The following RUNDC3B variants were observed in gnomAD, a reference collection of about 807,000 sequenced individuals.
The protein encoded by RUNDC3B is RUN domain containing 3B.
RUNDC3B carries 33 observed loss-of-function variants against 58.4 expected under a neutral mutation model. The ratio of observed to expected loss-of-function variants is 0.56; its 90% confidence interval spans 0.43 to 0.75. The LOEUF (loss-of-function observed/expected upper bound fraction) is 0.75. Ranked by LOEUF, RUNDC3B falls within the 30% of genes least tolerant of loss-of-function variation. The pLI is 0.00. For synonymous variants in RUNDC3B, 193 were observed against 195.2 expected (o/e 0.99, Z 0.10); for missense variants, 501 against 535.7 (o/e 0.94, Z 0.64).
intron 1 of RUNDC3B, among the ~76,000 whole-genome samples, chr7:87,637,653 A>T (rs1821920580): frequency 6.6e-6 from 1 of 152,036 alleles, no homozygotes; most frequent in Non-Finnish European, 1.5e-5. Context: ...TTATTCTTGC[A>T]TATTTGATAT....
intron 2 of RUNDC3B, among the ~76,000 whole-genome samples, chr7:87,697,426 C>T (rs1309454901): frequency 6.6e-6 from 1 of 152,046 alleles, no homozygotes; most frequent in Non-Finnish European, 1.5e-5. Flanking sequence ...ATAGAATGAT[C>T]CCAGATAATA....
chr7:87,652,155 T>C (rs1337927659), intron 2 of RUNDC3B, among the ~76,000 whole-genome samples: 9 of 152,140 alleles, frequency 5.9e-5, no homozygotes, highest in African/African-American at 2.2e-4. Flanking sequence ...TGGAATAGAA[T>C]AGACTCTGAT....
chr7:87,803,286 C>A (rs1266418088), intron 8 of RUNDC3B, among the ~76,000 whole-genome samples: 2 of 152,118 alleles, frequency 1.3e-5, no homozygotes, highest in Non-Finnish European at 2.9e-5. Context: ...AACAATTTTG[C>A]AGGAGAGCTA....
chr7:87,827,100 A>G (rs1322521349), intron 10 of RUNDC3B, among the ~76,000 whole-genome samples: 3 of 152,240 alleles, frequency 2.0e-5, no homozygotes, highest in Non-Finnish European at 4.4e-5. Context: ...GAAACAGTAA[A>G]TATAACTATA....
intron 4 of RUNDC3B, among the ~76,000 whole-genome samples, chr7:87,715,383 AAT>A (rs1830486494): frequency 1.0e-5 from 1 of 99,394 alleles, no homozygotes; most frequent in Admixed American, 1.3e-4. Context: ...TTATATAATC[AAT>A]ATAATATAAT....
At chr7:87,740,049 C>CTTT (rs1359346203) in intron 5 of RUNDC3B, among the ~76,000 whole-genome samples, 169 bp downstream of exon 5, 4 of 152,032 alleles carry the variant, frequency 2.6e-5, no homozygotes, top group Non-Finnish European at 5.9e-5. Flanking sequence ...TGAGTTTGCT[C>CTTT]TCAGAAAAGA....
intron 8 of RUNDC3B, among the ~76,000 whole-genome samples, chr7:87,784,863 G>A (rs1835123215): frequency 6.6e-6 from 1 of 152,034 alleles, no homozygotes; most frequent in Admixed American, 6.5e-5. Context: ...TTAGCCCTAA[G>A]GGGGACTCTG....
intron 3 of RUNDC3B, among the ~76,000 whole-genome samples, chr7:87,701,407 A>G (rs1464654206): frequency 2.0e-5 from 3 of 152,206 alleles, no homozygotes; most frequent in African/African-American, 7.2e-5. Context: ...GCTTCCCAAT[A>G]TAGAAAAGCT....
At chr7:87,772,798 T>C (rs547989566) in intron 7 of RUNDC3B, among the ~76,000 whole-genome samples, 125 of 152,134 alleles carry the variant, frequency 8.2e-4, no homozygotes, top group African/African-American at 3.0e-3. Flanking sequence ...TGGCAGAAAC[T>C]TGCCAGTTAA....
chr7:87,832,195 C>G lies in RUNDC3B; in HGVS notation c.*2165C>G, dbSNP rs1838160938. 1 of 151,884 alleles carries G rather than the reference C, an allele frequency of 6.6e-6. No individual in the cohort carries two copies. The highest frequency in any genetic ancestry group is 2.4e-5 in the African/African-American group (1 of 41,388). The allele number at this position is 151,884 out of a possible 1,614,324, so 9.4% of individuals were successfully genotyped here. A position where few individuals can be genotyped will look rare whatever the true frequency, so the allele number is the denominator to read the frequency against. On this transcript the variant is annotated 3_prime_UTR_variant, in exon 11 of 11. Coordinates refer to ENST00000394654, the MANE Select transcript of RUNDC3B (RefSeq NM_001134405.2). ...GTTTATTGTTCACCCTCCCTCTTGCCTCCAAAAGAATGCTGAATTATACGC... is the reference window on the plus strand; with the variant it reads ...GTTTATTGTTCACCCTCCCTCTTGCGTCCAAAAGAATGCTGAATTATACGC...
At chr7:87,724,833 A>G (rs1287736492) in intron 4 of RUNDC3B, among the ~76,000 whole-genome samples, 5 of 152,072 alleles carry the variant, frequency 3.3e-5, no homozygotes, top group Non-Finnish European at 5.9e-5. Context: ...ACATTAGATT[A>G]CTTCGAATTT....
At chr7:87,784,644 A>C (rs930298386) in intron 8 of RUNDC3B, among the ~76,000 whole-genome samples, 1 of 151,274 alleles carries the variant, frequency 6.6e-6, no homozygotes, top group Non-Finnish European at 1.5e-5. Context: ...TTACTCAGCT[A>C]TAAGCCTCCT....
intron 4 of RUNDC3B, among the ~76,000 whole-genome samples, chr7:87,719,748 C>T (rs1830756202): frequency 6.6e-6 from 1 of 151,614 alleles, no homozygotes; most frequent in African/African-American, 2.4e-5. Context: ...ATGCATAGCT[C>T]TGGGATCAAT....
intron 2 of RUNDC3B, among the ~76,000 whole-genome samples, chr7:87,661,101 TGATA>T (rs1043898096): frequency 5.5e-4 from 84 of 152,144 alleles, no homozygotes; most frequent in African/African-American, 1.8e-3. Flanking sequence ...GATTTTATTC[TGATA>T]GATTACATTT....
chr7:87,705,072 C>T (rs1829467324), intron 3 of RUNDC3B, among the ~76,000 whole-genome samples: 1 of 152,152 alleles, frequency 6.6e-6, no homozygotes, highest in Admixed American at 6.5e-5. Flanking sequence ...GTCCTGATAC[C>T]ACTTAGATTC....
chr7:87,826,426 A>G (rs1482481527), intron 10 of RUNDC3B, among the ~76,000 whole-genome samples: 2 of 150,954 alleles, frequency 1.3e-5, no homozygotes, highest in African/African-American at 4.9e-5. Flanking sequence ...TATTTCATAC[A>G]TTTCCAAGTA....
intron 1 of RUNDC3B, among the ~76,000 whole-genome samples, chr7:87,633,840 A>G (rs1461079235): frequency 6.6e-6 from 1 of 152,206 alleles, no homozygotes; most frequent in Non-Finnish European, 1.5e-5. Context: ...TAATGACAGT[A>G]TAATCTGTCT....
rs1404666033 is a variant in RUNDC3B at position 87,670,560 on chromosome 7, G to A, written c.238+19623G>A. On this transcript the variant is annotated intron_variant, in intron 2 of 10. Coordinates refer to ENST00000394654, the MANE Select transcript of RUNDC3B (RefSeq NM_001134405.2). ...GGCATACAATACTCTGAACATTTGA[G>A]TTACTGGAGCTCTTGCATTGGTTCT... Among the ~76,000 whole-genome samples, 3 of 152,220 alleles carry A rather than the reference G, an allele frequency of 2.0e-5. No homozygotes were observed. In the East Asian group the frequency reaches 5.8e-4, roughly 29 times the overall value.
chr7:87,632,716 T>C (rs1432419712), intron 1 of RUNDC3B, among the ~76,000 whole-genome samples: 2 of 152,232 alleles, frequency 1.3e-5, no homozygotes, highest in African/African-American at 2.4e-5. Flanking sequence ...CTGTCCTTTA[T>C]AAGCTTCATT....
Sources: allele counts gnomAD v4.1 joint callset (sites outside exome capture counted in the v4.1 genomes callset), GRCh38; gene constraint gnomAD v4.1.1; transcripts MANE v1.5; gene names NCBI Gene and HGNC (gene_info 2026-07-23, HGNC 2026-07-21).